The following PDZRN4 variants were observed in gnomAD, a reference collection of about 807,000 sequenced individuals.
PDZRN4 encodes the protein PDZ domain-containing RING finger protein 4.
In PDZRN4, 70 loss-of-function variants were observed where a neutral mutation model predicts 99.0. The ratio of observed to expected loss-of-function variants is 0.71; its 90% CI spans 0.58 to 0.86. The LOEUF (loss-of-function observed/expected upper bound fraction) is 0.86, where lower values mean the gene tolerates loss of function less well. PDZRN4 is among the 40% of genes least tolerant of loss of function. The probability of loss-of-function intolerance (pLI) is 0.00; values close to 1 mark genes in which losing one functional copy is unlikely to be tolerated. For missense variants in PDZRN4, 1,474 were observed against 1,331.2 expected (o/e 1.11, Z -1.67); for synonymous variants, 551 against 501.6 (o/e 1.10, Z -1.32).
intron 5 of PDZRN4, among the ~76,000 whole-genome samples, chr12:41,541,029 A>G (rs989342738): frequency 6.6e-6 from 1 of 151,950 alleles, no homozygotes; most frequent in African/African-American, 2.4e-5. Context: ...GGTTCACGCC[A>G]TTCTCCTACC....
At chr12:41,230,154 G>A (rs1023523395) in intron 3 of PDZRN4, among the ~76,000 whole-genome samples, 3 of 151,976 alleles carry the variant, frequency 2.0e-5, no homozygotes, top group African/African-American at 7.2e-5. Flanking sequence ...ACAATTTAAA[G>A]TAAGCCACCC....
intron 3 of PDZRN4, among the ~76,000 whole-genome samples, chr12:41,339,396 C>A (rs1951799499): frequency 6.6e-6 from 1 of 152,016 alleles, no homozygotes; most frequent in Admixed American, 6.6e-5. Context: ...AAGCTAGACT[C>A]TTCTCACAAA....
intron 3 of PDZRN4, among the ~76,000 whole-genome samples, chr12:41,489,303 G>A (rs1423110793): frequency 6.6e-6 from 1 of 152,018 alleles, no homozygotes; most frequent in Non-Finnish European, 1.5e-5. Flanking sequence ...AAAGGCCAGG[G>A]ATGTTGCTAA....
At chr12:41,304,621 A>G (rs764408253) in intron 3 of PDZRN4, among the ~76,000 whole-genome samples, 7 of 152,170 alleles carry the variant, frequency 4.6e-5, no homozygotes, top group African/African-American at 9.7e-5. Flanking sequence ...AGTGATATCA[A>G]CCCCAATGAG....
intron 3 of PDZRN4, among the ~76,000 whole-genome samples, chr12:41,326,550 A>C (rs557218165): frequency 6.6e-6 from 1 of 152,302 alleles, no homozygotes; most frequent in Non-Finnish European, 1.5e-5. Flanking sequence ...AAAGGATTAA[A>C]AAGTGAGTAG....
intron 3 of PDZRN4, among the ~76,000 whole-genome samples, chr12:41,294,460 A>C (rs966596303): frequency 1.3e-5 from 2 of 152,222 alleles, no homozygotes; most frequent in African/African-American, 4.8e-5. Context: ...ATGGATAAAA[A>C]TATAAGAAGA....
At chr12:41,429,995 T>C (rs2120435103) in intron 3 of PDZRN4, among the ~76,000 whole-genome samples, 1 of 152,222 alleles carries the variant, frequency 6.6e-6, no homozygotes, top group East Asian at 1.9e-4. Flanking sequence ...CATGGTACCT[T>C]GGCCTCTATA....
intron 3 of PDZRN4, among the ~76,000 whole-genome samples, chr12:41,376,301 TA>T (rs1952079844): frequency 1.3e-5 from 2 of 152,308 alleles, no homozygotes; most frequent in Non-Finnish European, 2.9e-5. Context: ...AAAAGCTTCA[TA>T]CTGTTTTCCA....
At chr12:41,322,021 A>G (rs763659541) in intron 3 of PDZRN4, among the ~76,000 whole-genome samples, 33 of 151,818 alleles carry the variant, frequency 2.2e-4, no homozygotes, top group Non-Finnish European at 3.2e-4. Flanking sequence ...CAATGTTAAG[A>G]TTTCCTCAAT....
intron 3 of PDZRN4, among the ~76,000 whole-genome samples, chr12:41,313,535 C>T (rs1220631841): frequency 1.3e-5 from 2 of 152,138 alleles, no homozygotes; most frequent in Non-Finnish European, 1.5e-5. Flanking sequence ...GGCCCCATCC[C>T]TTTCAGTCTC....
chr12:41,523,510 C>A (rs1318483379), intron 5 of PDZRN4, among the ~76,000 whole-genome samples: 1 of 152,110 alleles, frequency 6.6e-6, no homozygotes, highest in African/African-American at 2.4e-5. Flanking sequence ...CCTGTGACTT[C>A]ACACATTGCT....
intron 3 of PDZRN4, among the ~76,000 whole-genome samples, chr12:41,362,023 A>T (rs1234415150): frequency 6.6e-6 from 1 of 152,042 alleles, no homozygotes; most frequent in African/African-American, 2.4e-5. Flanking sequence ...TAGGCATTTT[A>T]TCTCATGCAT....
chr12:41,474,169 C>G (rs1953019176), intron 3 of PDZRN4, among the ~76,000 whole-genome samples: 1 of 152,150 alleles, frequency 6.6e-6, no homozygotes, highest in African/African-American at 2.4e-5. Context: ...AGGCTGAGGT[C>G]TTTGCATCAC....
chr12:41,365,304 A>G (rs1202712465), intron 3 of PDZRN4, among the ~76,000 whole-genome samples: 1 of 152,146 alleles, frequency 6.6e-6, no homozygotes, highest in East Asian at 1.9e-4. Context: ...AGCCTCGATC[A>G]TATTAAATCA....
At chr12:41,211,268 T>C (rs1160775437) in intron 3 of PDZRN4, among the ~76,000 whole-genome samples, 1 of 152,010 alleles carries the variant, frequency 6.6e-6, no homozygotes, top group African/African-American at 2.4e-5. Flanking sequence ...AGATTCTAGA[T>C]TGGTATTTTA....
intron 5 of PDZRN4, among the ~76,000 whole-genome samples, chr12:41,543,211 A>G (rs922035109): frequency 6.6e-6 from 1 of 152,122 alleles, no homozygotes; most frequent in African/African-American, 2.4e-5. Context: ...TACATATCCC[A>G]TTGCACTATA....
At chr12:41,547,612 G>A (rs1000218824) in intron 5 of PDZRN4, among the ~76,000 whole-genome samples, 14 of 151,988 alleles carry the variant, frequency 9.2e-5, no homozygotes, top group Non-Finnish European at 1.8e-4. Context: ...GCGACAGAGT[G>A]AGACTCTGTC....
chr12:41,235,010 TTAGAAGGTTA>T (rs1566381526), intron 3 of PDZRN4, among the ~76,000 whole-genome samples: 4 of 152,008 alleles, frequency 2.6e-5, no homozygotes, highest in Non-Finnish European at 5.9e-5. Context: ...CCGGAAGGGG[TTAGAAGGTTA>T]CCTAAACACA....
At chr12:41,567,708 G>A (rs935617744) in intron 8 of PDZRN4, 75 bp from the exon 9 acceptor site, 16 of 785,246 alleles carry the variant, frequency 2.0e-5, no homozygotes, top group Admixed American at 1.8e-4. Flanking sequence ...GTCGGGCACC[G>A]GCCATTTAAG....
Sources: gnomAD v4.1 joint callset for allele counts (sites outside exome capture counted in the v4.1 genomes callset) on GRCh38, gnomAD v4.1.1 for gene constraint, MANE v1.5 for transcripts, NCBI Gene and HGNC (gene_info 2026-07-23, HGNC 2026-07-21) for gene names.